MOSMO: variants seen among roughly 807,000 people sequenced by gnomAD.
MOSMO encodes the protein modulator of smoothened protein.
In MOSMO, 5 loss-of-function variants were observed where a neutral mutation model predicts 18.4. The observed-to-expected ratio is 0.27, with a 90% CI of 0.14 to 0.57. The LOEUF (loss-of-function observed/expected upper bound fraction) is 0.57, where lower values mean the gene tolerates loss of function less well. MOSMO is among the 20% of genes least tolerant of loss of function. The pLI, the probability that MOSMO is intolerant of heterozygous loss-of-function variation, is 0.92. For synonymous variants in MOSMO, 82 were observed against 82.3 expected (o/e 1.00, Z 0.02); for missense variants, 138 against 211.8 (o/e 0.65, Z 2.16).
intron 1 of MOSMO, among the ~76,000 whole-genome samples, chr16:22,033,497 C>A (rs1318639335): frequency 6.6e-6 from 1 of 151,540 alleles, no homozygotes; most frequent in Non-Finnish European, 1.5e-5. Flanking sequence ...AGGCAATTCT[C>A]CTGCCTCAGC....
intron 1 of MOSMO, among the ~76,000 whole-genome samples, chr16:22,028,140 T>C (rs983130680): frequency 2.0e-5 from 3 of 152,194 alleles, no homozygotes; most frequent in African/African-American, 7.2e-5. Context: ...TATCTTCAGT[T>C]AAACTACTGG....
At chr16:22,065,384 C>A (rs549526807) in intron 1 of MOSMO, among the ~76,000 whole-genome samples, 1 of 152,244 alleles carries the variant, frequency 6.6e-6, no homozygotes, top group Non-Finnish European at 1.5e-5. Flanking sequence ...TCCAGGCTTC[C>A]GGCATTGGTA....
chr16:22,085,024 A>C (rs997404304), downstream of MOSMO: 6 of 152,230 alleles, frequency 3.9e-5, no homozygotes, highest in African/African-American at 9.6e-5. Flanking sequence ...ACCCAAGTCC[A>C]TCTTTGCTTC....
chr16:22,085,882 G>A (rs1901163596), downstream of MOSMO: 1 of 152,118 alleles, frequency 6.6e-6, no homozygotes, highest in Non-Finnish European at 1.5e-5. Flanking sequence ...TTACAAATCA[G>A]CCCCAGTTCC....
At position 22,056,556 on chromosome 16, in the gene MOSMO, T is replaced by TA. The variant is rs1567510289; in HGVS notation, c.107-18931_107-18930insA. Among the ~76,000 whole-genome samples, 6 of 149,650 alleles carry TA rather than the reference T, an allele frequency of 4.0e-5. No individual in the cohort carries two copies. The East Asian group carries it at 1.2e-3, about 29-fold the overall frequency. On this transcript the variant is annotated intron_variant, in intron 1 of 2. Transcript: ENST00000542527. ...CGGTTAATTTTATATATATATATAT[T>TA]TTTTTTTGGTAGAGACGGGGTTTCT...
intron 1 of MOSMO, among the ~76,000 whole-genome samples, chr16:22,032,950 C>T (rs1447787331): frequency 2.0e-5 from 3 of 152,106 alleles, no homozygotes; most frequent in African/African-American, 7.2e-5. Flanking sequence ...CTATTCTTTC[C>T]CAATTGAATA....
chr16:22,080,996 T>A lies in MOSMO; in HGVS notation c.*116T>A. The A allele has an allele frequency of 2.4e-6, 1 of 411,374 alleles. No individual in the cohort carries two copies. The highest frequency in any genetic ancestry group is 4.0e-6 in the Non-Finnish European group (1 of 248,174). 25.5% of individuals were successfully genotyped at this position (411,374 alleles called of 1,614,324 possible). On this transcript the variant is annotated 3_prime_UTR_variant, in exon 3 of 3. Transcript: ENST00000542527. ...GAGCAGGCCTCTCATGGGAAGATGC[T>A]CAGATGAAACTGATGCTGAGAAGGA... is the stretch of plus-strand genomic sequence containing the variant.
intron 1 of MOSMO, among the ~76,000 whole-genome samples, chr16:22,013,883 G>C (rs531116108): frequency 3.4e-4 from 52 of 151,622 alleles, no homozygotes; most frequent in African/African-American, 6.3e-4. Flanking sequence ...TACTGTTTGG[G>C]GGGGGGGAAT....
At chr16:22,057,663 A>G (rs1202773495) in intron 1 of MOSMO, among the ~76,000 whole-genome samples, 1 of 152,226 alleles carries the variant, frequency 6.6e-6, no homozygotes, top group East Asian at 1.9e-4. Flanking sequence ...GATACTGGCC[A>G]TATAGAGAAC....
intron 1 of MOSMO, chr16:22,075,254 C>A: frequency 1.6e-6 from 1 of 629,360 alleles, no homozygotes. Context: ...GAGTGAACTG[C>A]CTGTTATGAC....
At chr16:22,051,573 C>G (rs1329791661) in intron 1 of MOSMO, among the ~76,000 whole-genome samples, 1 of 152,026 alleles carries the variant, frequency 6.6e-6, no homozygotes, top group East Asian at 1.9e-4. Context: ...AGCTCCATGC[C>G]CCTTCCCCCA....
rs535637807 is a variant in MOSMO at position 22,042,423 on chromosome 16, C to T, written c.107-33064C>T. Among the ~76,000 whole-genome samples the T allele has an allele frequency of 6.6e-5, 10 of 152,256 alleles. No individual in the cohort carries two copies. The South Asian group carries it at 1.7e-3, about 25-fold the overall frequency. ...AACCTTTTTGGATGCTTTCAGCCTACGCCACTTCCTACAATAATGAACTTT... is the reference window on the plus strand; with the variant it reads ...AACCTTTTTGGATGCTTTCAGCCTATGCCACTTCCTACAATAATGAACTTT... On this transcript the variant is annotated intron_variant, in intron 1 of 2. Transcript: ENST00000542527.
chr16:22,024,016 T>TATATATATA (rs57968547), intron 1 of MOSMO, among the ~76,000 whole-genome samples: 4 of 145,572 alleles, frequency 2.7e-5, no homozygotes, highest in South Asian at 2.2e-4. Context: ...TATATATATA[T>TATATATATA]TTTCTTAAGA....
Position 22,082,553 on chromosome 16 carries a change from TCCCATGTGG to T in MOSMO, c.*1680_*1688del, listed in dbSNP as rs1276959482. 1 of 151,990 alleles carries T rather than the reference TCCCATGTGG, an allele frequency of 6.6e-6. No individual in the cohort carries two copies. Among genetic ancestry groups the T allele is most frequent in the African/African-American group, 2.4e-5 (1 of 41,378 alleles). The allele number at this position is 151,990 out of a possible 1,614,324, so 9.4% of individuals were successfully genotyped here. ...CCCAAATGACTCCCTGTCAGTAGAG[TCCCATGTGG>T]CCCATGCTTCACACAAGCAGAAATG... On this transcript the variant is annotated 3_prime_UTR_variant, in exon 3 of 3. Coordinates refer to ENST00000542527, the MANE Select transcript of MOSMO (RefSeq NM_001164579.2).
intron 1 of MOSMO, among the ~76,000 whole-genome samples, chr16:22,045,571 G>T (rs538666159): frequency 6.6e-6 from 1 of 152,090 alleles, no homozygotes; most frequent in African/African-American, 2.4e-5. Context: ...GTTTAAAAAG[G>T]TTTTAGTTAC....
intron 1 of MOSMO, among the ~76,000 whole-genome samples, chr16:22,067,423 A>G (rs1900767873): frequency 6.6e-6 from 1 of 152,258 alleles, no homozygotes; most frequent in Admixed American, 6.5e-5. Flanking sequence ...CATAGTTGAA[A>G]GACAAAGACA....
At chr16:22,076,595 T>C (rs1422350062) in intron 2 of MOSMO, among the ~76,000 whole-genome samples, 1 of 152,210 alleles carries the variant, frequency 6.6e-6, no homozygotes, top group Non-Finnish European at 1.5e-5. Flanking sequence ...AATGAGACTT[T>C]TAATTCAGTG....
chr16:22,055,697 T>C (rs931504051), intron 1 of MOSMO, among the ~76,000 whole-genome samples: 4 of 152,210 alleles, frequency 2.6e-5, no homozygotes, highest in African/African-American at 9.6e-5. Context: ...GAAAGTAAAT[T>C]CTTTCCAGAA....
At chr16:22,039,173 G>A (rs1298618991) in intron 1 of MOSMO, among the ~76,000 whole-genome samples, 1 of 152,042 alleles carries the variant, frequency 6.6e-6, no homozygotes, top group Non-Finnish European at 1.5e-5. Flanking sequence ...ATAATAATCT[G>A]TTCTCAGTGA....
Sources: allele counts gnomAD v4.1 joint callset (sites outside exome capture counted in the v4.1 genomes callset), GRCh38; gene constraint gnomAD v4.1.1; transcripts MANE v1.5; gene names NCBI Gene and HGNC (gene_info 2026-07-23, HGNC 2026-07-21).